Variants in PAM16 observed in about 807,000 individuals in gnomAD.
The protein encoded by PAM16 is mitochondrial import inner membrane translocase subunit TIM16.
PAM16 carries 11 observed loss-of-function variants against 17.9 expected under a neutral mutation model. The ratio of observed to expected loss-of-function variants is 0.62; its 90% CI spans 0.39 to 1.02. PAM16 has a LOEUF of 1.02. PAM16 is among the 50% of genes least tolerant of loss of function. PAM16 has a pLI of 0.01. For synonymous variants in PAM16, 72 were observed against 67.4 expected (o/e 1.07, Z -0.34); for missense variants, 199 against 165.4 (o/e 1.20, Z -1.11).
In PAM16 at chr16:4,340,469, G is replaced by GGGAT. The variant is rs1049157294; in HGVS notation, c.292-68_292-65dup. The GGGAT allele has an allele frequency of 3.2e-5, 50 of 1,565,050 alleles. No homozygotes were observed. In the Admixed American group the frequency reaches 7.6e-4, roughly 24 times the overall value. On this transcript the variant is annotated intron_variant, in intron 4 of 4. Transcript: ENST00000318059. ...TCCGCCCCATACCCCTTGCCCACAT[G>GGGAT]GGATGGCCTATTCCCATCAGCCCAG... is the stretch of plus-strand genomic sequence containing the variant.
chr16:4,347,739 T>TC lies in PAM16; in HGVS notation c.3+3492dup, dbSNP rs546713830. The TC allele has an allele frequency of 3.3e-5, 5 of 152,102 alleles. No individual in the cohort carries two copies. The East Asian group carries it at 7.8e-4, about 24-fold the overall frequency. 9.4% of individuals were successfully genotyped at this position (152,102 alleles called of 1,614,324 possible). A position where few individuals can be genotyped will look rare whatever the true frequency, so the allele number is the denominator to read the frequency against. On this transcript the variant is annotated intron_variant, in intron 1 of 4. Transcript: ENST00000318059. ...AGGCCCCTCCCAGAGGCTCCAAACATCCCATAGTCCACCGACTGACACTTG... is the reference window on the plus strand; with the variant it reads ...AGGCCCCTCCCAGAGGCTCCAAACATCCCCATAGTCCACCGACTGACACTTG...
At chr16:4,342,646 A>G (rs1232737430) in intron 2 of PAM16, among the ~76,000 whole-genome samples, 2 of 148,690 alleles carry the variant, frequency 1.3e-5, no homozygotes, top group East Asian at 4.0e-4. Context: ...AAGAGCGAAA[A>G]CTCCGTCTCA....
intron 1 of PAM16, chr16:4,343,527 C>CA (rs1249214822): frequency 7.0e-7 from 1 of 1,424,802 alleles, no homozygotes; most frequent in Admixed American, 2.9e-5. Flanking sequence ...CTCCCAGAGG[C>CA]AGACTGGCCC....
At chr16:4,349,350 T>C (rs965929230) in intron 1 of PAM16, among the ~76,000 whole-genome samples, 1 of 152,156 alleles carries the variant, frequency 6.6e-6, no homozygotes, top group Admixed American at 6.5e-5. Flanking sequence ...GGAGGACTGC[T>C]TGGGCCCAGA....
At chr16:4,343,092 G>T in intron 2 of PAM16, 115 bp downstream of exon 2, 1 of 1,372,004 alleles carries the variant, frequency 7.3e-7, no homozygotes, top group Non-Finnish European at 1.0e-6. Flanking sequence ...ACCATGGGAA[G>T]TGCCTCAGGC....
At chr16:4,341,783 C>A in intron 2 of PAM16, 1 of 477,926 alleles carries the variant, frequency 2.1e-6, no homozygotes, top group Non-Finnish European at 3.7e-6. Flanking sequence ...GTCCCCCAAC[C>A]CCCATATCCC....
chr16:4,345,125 G>A (rs1295703325), intron 1 of PAM16, among the ~76,000 whole-genome samples: 3 of 152,090 alleles, frequency 2.0e-5, no homozygotes, highest in Non-Finnish European at 2.9e-5. Flanking sequence ...CTGCAAAGCC[G>A]TAGACGCAGG....
chr16:4,346,210 C>G lies in PAM16; in HGVS notation c.4-2919G>C, dbSNP rs1373345480. 2.6e-5 allele frequency among the ~76,000 whole-genome samples: 4 copies of G among 152,318 alleles called. No homozygotes were observed. In the East Asian group the frequency reaches 7.7e-4, roughly 29 times the overall value. On this transcript the variant is annotated intron_variant, in intron 1 of 4. Transcript: ENST00000318059. ...AGCAAGGTTCCTATAGGAGGCATCTCTGAGAAGACGCAGTGTAGTGTAATG... is the reference window on the plus strand; with the variant it reads ...AGCAAGGTTCCTATAGGAGGCATCTGTGAGAAGACGCAGTGTAGTGTAATG...
At chr16:4,345,394 G>A (rs944220863) in intron 1 of PAM16, 1 of 152,136 alleles carries the variant, frequency 6.6e-6, no homozygotes. Flanking sequence ...GGAAACCCAA[G>A]GCTGGTGCTA....
In PAM16 at chr16:4,341,447, G is replaced by C. The variant is rs1244849085; in HGVS notation, c.146C>G (p.Ser49Cys). 6 of 1,609,050 alleles carry C rather than the reference G, an allele frequency of 3.7e-6. No individual in the cohort carries two copies. The East Asian group carries it at 1.1e-4, about 30-fold the overall frequency. ...CTGGAGGCTGAGGCCGGAGAGGTTG[G>C]AAGCGGCTGCAGACCGGTGTCCAGC... ...GRAGHRSAAA[S>C]NLSGLSLQEA... is the part of the protein sequence containing the mutation. The change falls in exon 3 of 5, where the codon TCC (serine) becomes TGC (cysteine). Residue 49 changes from serine (S) to cysteine (C), a missense_variant. Coordinates refer to ENST00000318059, the MANE Select transcript of PAM16 (RefSeq NM_016069.11).
rs775713557 is a variant in PAM16, at chr16:4,340,876, G to A, written c.291+44C>T. 1.5e-5 allele frequency: 24 copies of A among 1,609,584 alleles called. No homozygotes were observed. The East Asian group carries it at 4.9e-4, about 33-fold the overall frequency. On this transcript the variant is annotated intron_variant, in intron 4 of 4. Transcript: ENST00000318059. ...GGAATTGAGCCCCAGGTGAGAAGAA[G>A]GGGTCCCATGACTTCATTCCTCCCA...
At chr16:4,350,438 G>C (rs1242270429) in intron 1 of PAM16, among the ~76,000 whole-genome samples, 2 of 151,370 alleles carry the variant, frequency 1.3e-5, no homozygotes, top group Non-Finnish European at 2.9e-5. Flanking sequence ...GTCTCACCCT[G>C]TCGCCCAGGC....
At chr16:4,349,582 C>A (rs2053814862) in intron 1 of PAM16, among the ~76,000 whole-genome samples, 1 of 152,002 alleles carries the variant, frequency 6.6e-6, no homozygotes, top group South Asian at 2.1e-4. Flanking sequence ...TCTGGGGCAA[C>A]ACAGCAAGAC....
At chr16:4,348,321 T>TG (rs2053789777) in intron 1 of PAM16, 1 of 152,242 alleles carries the variant, frequency 6.6e-6, no homozygotes, top group African/African-American at 2.4e-5. Context: ...CTAACCCTTC[T>TG]GCGGGAGGGT....
At chr16:4,340,848 C>G (rs2053632882) in intron 4 of PAM16, 72 bp downstream of exon 4, 1 of 1,584,156 alleles carries the variant, frequency 6.3e-7, no homozygotes, top group Non-Finnish European at 8.7e-7. Flanking sequence ...GCTCCCCCAA[C>G]TAGGAATTGA....
chr16:4,349,683 C>T (rs111976886), intron 1 of PAM16, among the ~76,000 whole-genome samples: 1 of 152,254 alleles, frequency 6.6e-6, no homozygotes, highest in African/African-American at 2.4e-5. Flanking sequence ...AGGAGGATGG[C>T]TTGAGCCTAG....
intron 2 of PAM16, 115 bp downstream of exon 2, chr16:4,343,092 G>A (rs2053674876): frequency 5.1e-6 from 7 of 1,372,004 alleles, no homozygotes; most frequent in Non-Finnish European, 7.1e-6. Flanking sequence ...ACCATGGGAA[G>A]TGCCTCAGGC....
intron 2 of PAM16, 32 bp downstream of exon 2, chr16:4,343,175 C>T (rs754946733): frequency 6.2e-6 from 10 of 1,612,258 alleles, no homozygotes; most frequent in Non-Finnish European, 8.5e-6. Flanking sequence ...AGAGGAACTC[C>T]CAGCCCACAG....
chr16:4,350,754 T>C (rs775779590), intron 1 of PAM16, among the ~76,000 whole-genome samples: 3 of 152,156 alleles, frequency 2.0e-5, no homozygotes, highest in Non-Finnish European at 4.4e-5. Flanking sequence ...CGCAGGTCTG[T>C]TGACTGGCTC....
Sources: allele counts gnomAD v4.1 joint callset (sites outside exome capture counted in the v4.1 genomes callset), GRCh38; gene constraint gnomAD v4.1.1; transcripts MANE v1.5; gene names NCBI Gene and HGNC (gene_info 2026-07-23, HGNC 2026-07-21).